IQCH: variants seen among roughly 807,000 people sequenced by gnomAD.
The protein encoded by IQCH is IQ domain-containing protein H.
In IQCH, 98 loss-of-function variants were observed where a neutral mutation model predicts 117.0. That is an observed-to-expected ratio of 0.84 (90% CI 0.71 to 0.99). IQCH has a LOEUF of 0.99. Ranked by LOEUF, IQCH falls within the 50% of genes least tolerant of loss-of-function variation. The probability of loss-of-function intolerance (pLI) is 0.00; values close to 1 mark genes in which losing one functional copy is unlikely to be tolerated. For synonymous variants in IQCH, 412 were observed against 448.2 expected, an observed-to-expected ratio of 0.92 and a Z score of 1.02; for missense variants, 1,102 against 1,243.8, an observed-to-expected ratio of 0.89 and a Z score of 1.72.
intron 3 of IQCH, among the ~76,000 whole-genome samples, chr15:67,279,010 A>G (rs1966241737): frequency 6.6e-6 from 1 of 152,210 alleles, no homozygotes; most frequent in Non-Finnish European, 1.5e-5. Context: ...TCACTTAGGG[A>G]CCATCATTTT....
At position 67,447,780 on chromosome 15, in the gene IQCH, C is replaced by G. The variant is rs1439087759; in HGVS notation, c.2506-17347C>G. ...GTCCCTCTCAGTCCAGGAGCTGATACAAAGTAAAAGCCTGCTGTGGTGAGT... is the reference window on the plus strand; with the variant it reads ...GTCCCTCTCAGTCCAGGAGCTGATAGAAAGTAAAAGCCTGCTGTGGTGAGT... On this transcript the variant is annotated intron_variant, in intron 16 of 20. Transcript: ENST00000335894. The surrounding 1 kb of genome is among the most constrained non-coding windows in gnomAD (Gnocchi z 5.3). Among the ~76,000 whole-genome samples the G allele has an allele frequency of 6.6e-6, 1 of 152,156 alleles. No homozygotes were observed. The highest frequency in any genetic ancestry group is 1.9e-4 in the East Asian group (1 of 5,198).
chr15:67,341,130 T>C (rs540394395), intron 5 of IQCH, among the ~76,000 whole-genome samples: 4 of 152,272 alleles, frequency 2.6e-5, no homozygotes, highest in Admixed American at 2.6e-4. Flanking sequence ...GAGGATGGCT[T>C]GAGCCCTAGA....
In IQCH at chr15:67,371,469, C is replaced by T. The variant is rs543035119; in HGVS notation, c.754-642C>T. On this transcript the variant is annotated intron_variant, in intron 8 of 20. Coordinates refer to ENST00000335894, the MANE Select transcript of IQCH (RefSeq NM_001031715.3). ...CACCTGGGACAGCCCCAGATATGTT[C>T]CTAAGAAGAAACCAGACTTAAGAAT... 14 of 1,569,646 alleles carry T rather than the reference C, an allele frequency of 8.9e-6. No individual in the cohort carries two copies. The South Asian group carries it at 1.2e-4, about 14-fold the overall frequency.
intron 4 of IQCH, among the ~76,000 whole-genome samples, chr15:67,329,643 A>AT (rs1968573077): frequency 6.6e-6 from 1 of 151,684 alleles, no homozygotes; most frequent in Non-Finnish European, 1.5e-5. Context: ...AATTTTTTTT[A>AT]TTTTTTGTGG....
At chr15:67,293,218 T>G (rs1966809564) in intron 4 of IQCH, among the ~76,000 whole-genome samples, 1 of 152,246 alleles carries the variant, frequency 6.6e-6, no homozygotes, top group Admixed American at 6.5e-5. Flanking sequence ...CTAATACATG[T>G]TGGGCCCTAT....
intron 6 of IQCH, 45 bp from the exon 7 acceptor site, chr15:67,357,300 G>C: frequency 7.6e-7 from 1 of 1,323,826 alleles, no homozygotes; most frequent in Non-Finnish European, 1.1e-6. Context: ...CAGTGACTCA[G>C]CCTCTTCTTC....
Position 67,261,296 on chromosome 15 carries a change from A to C in IQCH, c.76A>C (p.Lys26Gln). ...GATCCATGAAGACCTTTATCAGTTA[A>C]AGGAGAAATTAACAAAATTCTCACC... The part of the protein sequence containing the change: ...IQIHEDLYQL[K>Q]EKLTKFSPEE... Residue 26 changes from lysine to glutamine, a missense_variant, in exon 2 of 21, where the codon AAG becomes CAG. Around this residue, in one of 2 missense-constraint regions of IQCH, gnomAD observed 452 missense variants for 449.6 expected, o/e 1.01. Coordinates refer to ENST00000335894, the MANE Select transcript of IQCH (RefSeq NM_001031715.3). The C allele has an allele frequency of 6.4e-7, 1 of 1,561,206 alleles. No homozygotes were observed. Among genetic ancestry groups the C allele is most frequent in the South Asian group, 1.2e-5 (1 of 84,580 alleles).
chr15:67,461,487 G>A (rs919937935), intron 16 of IQCH, among the ~76,000 whole-genome samples: 4 of 152,210 alleles, frequency 2.6e-5, no homozygotes, highest in African/African-American at 9.6e-5. Context: ...TAGAAGGGGA[G>A]ATAGGAACCC....
intron 4 of IQCH, among the ~76,000 whole-genome samples, chr15:67,307,437 A>C (rs1025975188): frequency 6.7e-6 from 1 of 149,074 alleles, no homozygotes; most frequent in Non-Finnish European, 1.5e-5. Context: ...ATGATAAAGT[A>C]ATAGAAAGTG....
At chr15:67,327,841 G>T (rs1567099655) in intron 4 of IQCH, among the ~76,000 whole-genome samples, 1 of 152,054 alleles carries the variant, frequency 6.6e-6, no homozygotes, top group East Asian at 1.9e-4. Flanking sequence ...TCATTTATTT[G>T]CAAATTTTGG....
At chr15:67,449,656 C>T (rs532112389) in intron 16 of IQCH, among the ~76,000 whole-genome samples, 3 of 152,182 alleles carry the variant, frequency 2.0e-5, no homozygotes, top group East Asian at 3.9e-4. Context: ...AGTCAGGTAG[C>T]GTGATGCCTC....
chr15:67,395,499 G>C lies in IQCH; in HGVS notation c.1841G>C (p.Arg614Pro). The change falls in exon 13 of 21, where the codon CGT (arginine) becomes CCT (proline). Residue 614 changes from arginine (R) to proline (P), a missense_variant. Coordinates refer to ENST00000335894, the MANE Select transcript of IQCH (RefSeq NM_001031715.3). This position sits in a 1 kb window ranked among gnomAD's most constrained non-coding sequence, Gnocchi z 4.0. ...HLYSTKSGGK[R>P]VFDSANVAVP... is the part of the protein sequence containing the mutation. The stretch of plus-strand genomic sequence containing the variant: ...TATAGTACCAAATCTGGAGGCAAAC[G>C]TGTCTTTGACAGTGCCAATGTGGCA... 1 of 1,614,000 alleles carries C rather than the reference G, an allele frequency of 6.2e-7. No individual in the cohort carries two copies. Among genetic ancestry groups the C allele is most frequent in the Non-Finnish European group, 8.5e-7 (1 of 1,179,960 alleles).
intron 4 of IQCH, among the ~76,000 whole-genome samples, chr15:67,335,441 T>A (rs1175911487): frequency 6.6e-6 from 1 of 152,206 alleles, no homozygotes; most frequent in Non-Finnish European, 1.5e-5. Flanking sequence ...CTTCCTCCGA[T>A]TTACCTTTGT....
intron 14 of IQCH, among the ~76,000 whole-genome samples, chr15:67,400,606 T>G (rs2140868064): frequency 6.6e-6 from 1 of 151,122 alleles, no homozygotes; most frequent in Middle Eastern, 3.4e-3. Context: ...CACCTCAGCC[T>G]TCTGAGTAGT....
At chr15:67,489,254 C>T (rs1433226533) in intron 18 of IQCH, among the ~76,000 whole-genome samples, 2 of 151,872 alleles carry the variant, frequency 1.3e-5, no homozygotes, top group East Asian at 1.9e-4. Flanking sequence ...AGGATGGTCT[C>T]GATCTCCTGA....
At chr15:67,271,091 C>CCCAAGTAGCTGGGACTACAGGCACACA (rs1965879800) in intron 3 of IQCH, among the ~76,000 whole-genome samples, 1 of 152,176 alleles carries the variant, frequency 6.6e-6, no homozygotes, top group Non-Finnish European at 1.5e-5. Flanking sequence ...GCCTCAGCCT[C>CCCAAGTAGCTGGGACTACAGGCACACA]CCAAGTAGCT....
intron 8 of IQCH, among the ~76,000 whole-genome samples, chr15:67,363,457 G>T (rs1970222432): frequency 6.6e-6 from 1 of 151,770 alleles, no homozygotes; most frequent in Admixed American, 6.6e-5. Context: ...TGTTGGTCAG[G>T]CTGGTCTCAA....
At position 67,458,666 on chromosome 15, in the gene IQCH, C is replaced by A. The variant is rs2082716784; in HGVS notation, c.2506-6461C>A. Among the ~76,000 whole-genome samples, 1 of 152,224 alleles carries A rather than the reference C, an allele frequency of 6.6e-6. No homozygotes were observed. The highest frequency in any genetic ancestry group is 1.5e-5 in the Non-Finnish European group (1 of 68,042). The stretch of plus-strand genomic sequence containing the variant: ...TAAAACAGAGGGAACCATGGCCTAC[C>A]CATGGCTGTATTCTCTACCAACCAG... On this transcript the variant is annotated intron_variant, in intron 16 of 20. Transcript: ENST00000335894. This position sits in a 1 kb window ranked among gnomAD's most constrained non-coding sequence, Gnocchi z 4.1.
Position 67,390,624 on chromosome 15 carries a change from G to A in IQCH, c.1632+1618G>A, listed in dbSNP as rs551592555. Among the ~76,000 whole-genome samples the A allele has an allele frequency of 5.3e-4, 80 of 152,200 alleles. No homozygotes were observed. The highest frequency in any genetic ancestry group is 8.5e-4 in the Non-Finnish European group (58 of 68,008). ...CTGCCTCAGCCTCCTGAGTAGCTGG[G>A]ATTACAGGTGTGTGCCACCACACCC... On this transcript the variant is annotated intron_variant, in intron 12 of 20. Transcript: ENST00000335894. The surrounding 1 kb of genome is among the most constrained non-coding windows in gnomAD (Gnocchi z 5.0).
Sources: allele counts gnomAD v4.1 joint callset (sites outside exome capture counted in the v4.1 genomes callset), GRCh38; gene constraint gnomAD v4.1.1; regional missense constraint gnomAD v4.1.1; non-coding constraint Gnocchi (gnomAD v3.1); transcripts MANE v1.5; gene names NCBI Gene and HGNC (gene_info 2026-07-23, HGNC 2026-07-21).